ARL13B: variants seen among roughly 807,000 people sequenced by gnomAD.
ARL13B encodes the protein ARF like GTPase 13B.
Under a neutral mutation model 56.1 loss-of-function variants are expected in ARL13B, and 36 were observed. That is an observed-to-expected ratio of 0.64 (90% CI 0.49 to 0.85). ARL13B has a LOEUF of 0.85. ARL13B is among the 40% of genes least tolerant of loss of function. The pLI, the probability that ARL13B is intolerant of heterozygous loss-of-function variation, is 0.00. For missense variants in ARL13B, 519 were observed against 507.1 expected (o/e 1.02, Z -0.23); for synonymous variants, 178 against 171.1 (o/e 1.04, Z -0.32).
chr3:94,045,950 C>CAAA (rs1199964643), intron 7 of ARL13B, among the ~76,000 whole-genome samples: 8 of 44,414 alleles, frequency 1.8e-4, no homozygotes, highest in African/African-American at 5.6e-4. Context: ...GACTCCATCA[C>CAAA]AAAAAAAAAA....
intron 3 of ARL13B, chr3:94,014,859 A>G (rs766350642): frequency 3.7e-6 from 6 of 1,614,002 alleles, no homozygotes; most frequent in Non-Finnish European, 1.7e-6. Context: ...ACATTGCAGC[A>G]TGCTGAGATT....
intron 7 of ARL13B, among the ~76,000 whole-genome samples, chr3:94,045,447 TAA>T (rs1047984463): frequency 5.4e-5 from 4 of 73,568 alleles, no homozygotes; most frequent in Admixed American, 1.4e-4. Context: ...CAATAAATAC[TAA>T]AAAAAAAAAA....
chr3:94,029,370 G>T, intron 3 of ARL13B, among the ~76,000 whole-genome samples: 1 of 109,340 alleles, frequency 9.1e-6, no homozygotes, highest in Non-Finnish European at 1.8e-5. Context: ...TTTTTGAGAA[G>T]GAGTCTTGCT....
intron 7 of ARL13B, 71 bp downstream of exon 7, chr3:94,043,311 T>C: frequency 7.4e-7 from 1 of 1,342,750 alleles, no homozygotes; most frequent in Non-Finnish European, 1.0e-6. Context: ...CATCTCATTT[T>C]TTATGTTTGT....
At chr3:94,003,409 ATACT>A (rs755708169) in intron 2 of ARL13B, among the ~76,000 whole-genome samples, 37 of 152,308 alleles carry the variant, frequency 2.4e-4, no homozygotes, top group Non-Finnish European at 5.0e-4. Context: ...AATTCAACAG[ATACT>A]TACTAAGTAC....
intron 3 of ARL13B, among the ~76,000 whole-genome samples, chr3:94,004,307 C>G (rs144655439): frequency 6.6e-6 from 1 of 151,882 alleles, no homozygotes; most frequent in African/African-American, 2.4e-5. Flanking sequence ...GTTATGTAAA[C>G]AGTTTATTTT....
At chr3:94,038,454 C>G (rs1345560483) in intron 5 of ARL13B, among the ~76,000 whole-genome samples, 1 of 149,212 alleles carries the variant, frequency 6.7e-6, no homozygotes, top group Non-Finnish European at 1.5e-5. Context: ...ACTTACAGTC[C>G]AGTTAAAGAT....
rs1293171658 is a variant in ARL13B, at chr3:94,036,755, G to T, written c.689+1G>T. On this transcript the variant is annotated splice_donor_variant, in intron 5 of 9. Transcript: ENST00000394222. LOFTEE classifies it high-confidence loss of function. The stretch of plus-strand genomic sequence containing the variant: ...GAGTGCGAAAATTACGAGAAGAAAG[G>T]TAAGTAGATTAATTTTGTACCACAG... 1.2e-6 allele frequency: 2 copies of T among 1,606,888 alleles called. No individual in the cohort carries two copies. The highest frequency in any genetic ancestry group is 3.3e-5 in the Admixed American group (2 of 59,734).
chr3:94,019,605 G>T (rs1337923525), intron 3 of ARL13B, among the ~76,000 whole-genome samples: 1 of 142,932 alleles, frequency 7.0e-6, no homozygotes, highest in African/African-American at 2.6e-5. Context: ...AAAACCTCTG[G>T]TCTTTTCTTA....
intron 3 of ARL13B, among the ~76,000 whole-genome samples, chr3:94,024,639 A>T (rs1450447288): frequency 6.6e-6 from 1 of 152,200 alleles, no homozygotes; most frequent in East Asian, 1.9e-4. Flanking sequence ...AGGCTAGAGT[A>T]TAGTGGCTCA....
intron 1 of ARL13B, among the ~76,000 whole-genome samples, chr3:93,980,741 G>GT (rs1710174530): frequency 6.6e-6 from 1 of 150,550 alleles, no homozygotes; most frequent in Non-Finnish European, 1.5e-5. Context: ...GTGTGTGTGT[G>GT]TGTGTGTGTG....
chr3:94,020,359 G>A (rs777893402), intron 3 of ARL13B, among the ~76,000 whole-genome samples: 1 of 152,148 alleles, frequency 6.6e-6, no homozygotes, highest in Non-Finnish European at 1.5e-5. Flanking sequence ...CTCAGCTTTA[G>A]TAATTGAACC....
intron 1 of ARL13B, among the ~76,000 whole-genome samples, chr3:93,995,581 C>G (rs1227551845): frequency 6.6e-6 from 1 of 152,110 alleles, no homozygotes; most frequent in Non-Finnish European, 1.5e-5. Context: ...GATTGTCTCC[C>G]TACCTCCCTT....
intron 3 of ARL13B, chr3:94,014,600 T>A: frequency 6.2e-7 from 1 of 1,613,024 alleles, no homozygotes; most frequent in South Asian, 1.1e-5. Context: ...TTTATTTGGT[T>A]CTCCAAATTA....
intron 3 of ARL13B, among the ~76,000 whole-genome samples, chr3:94,005,276 A>G (rs890445200): frequency 2.0e-5 from 3 of 152,336 alleles, no homozygotes; most frequent in Admixed American, 1.3e-4. Context: ...GTTACATTAT[A>G]TATTAGATCA....
At chr3:94,020,307 G>A (rs2076420867) in intron 3 of ARL13B, among the ~76,000 whole-genome samples, 1 of 152,144 alleles carries the variant, frequency 6.6e-6, no homozygotes, top group East Asian at 1.9e-4. Context: ...ATAAGAACAA[G>A]TATTGTCATG....
At position 94,029,301 on chromosome 3, in the gene ARL13B, CATATATATATATATATATATAT is replaced by C. The variant is rs1242349606; in HGVS notation, c.381-6017_381-5996del. ...AGGAAATTGCTGTATCTATCAAAATCATATATATATATATATATATATATATATATATATTTATTTTTTTTTT... is the reference window on the plus strand; with the variant it reads ...AGGAAATTGCTGTATCTATCAAAATCATATATATATATTTATTTTTTTTTT... On this transcript the variant is annotated intron_variant, in intron 3 of 9. Transcript: ENST00000394222. Among the ~76,000 whole-genome samples the C allele has an allele frequency of 5.2e-5, 4 of 77,208 alleles. No individual in the cohort carries two copies. In the Admixed American group the frequency reaches 8.2e-4, roughly 16 times the overall value. 50.7% of individuals were successfully genotyped at this position (77,208 alleles called of 152,430 possible). A position where few individuals can be genotyped will look rare whatever the true frequency, so the allele number is the denominator to read the frequency against.
chr3:93,986,492 T>C (rs1710470490), intron 1 of ARL13B, among the ~76,000 whole-genome samples: 1 of 152,232 alleles, frequency 6.6e-6, no homozygotes, highest in Non-Finnish European at 1.5e-5. Context: ...AAAACCTTGT[T>C]CTAAAGTCTT....
intron 2 of ARL13B, among the ~76,000 whole-genome samples, chr3:94,003,439 T>C (rs1368606002): frequency 1.3e-5 from 2 of 152,122 alleles, no homozygotes; most frequent in Admixed American, 1.3e-4. Context: ...ATATACTAGG[T>C]GTGGGTGTTA....
Sources: allele counts gnomAD v4.1 joint callset (sites outside exome capture counted in the v4.1 genomes callset), GRCh38; gene constraint gnomAD v4.1.1; transcripts MANE v1.5; gene names NCBI Gene and HGNC (gene_info 2026-07-23, HGNC 2026-07-21).